Variants in PPP1R14D observed in about 807,000 individuals in gnomAD.
PPP1R14D encodes the protein protein phosphatase 1 regulatory inhibitor subunit 14D.
A neutral mutation model predicts 17.1 loss-of-function variants in PPP1R14D; 14 were observed. The ratio of observed to expected loss-of-function variants is 0.82; its 90% CI spans 0.54 to 1.28. The LOEUF (loss-of-function observed/expected upper bound fraction) is 1.28, where lower values mean the gene tolerates loss of function less well. PPP1R14D is among the 50% of genes most tolerant of loss of function. The pLI, the probability that PPP1R14D is intolerant of heterozygous loss-of-function variation, is 0.00. For synonymous variants in PPP1R14D, 67 were observed against 66.1 expected (o/e 1.01, Z -0.06); for missense variants, 173 against 179.2 (o/e 0.97, Z 0.20).
At chr15:40,817,181 A>G in intron 1 of PPP1R14D, 1 of 227,778 alleles carries the variant, frequency 4.4e-6, no homozygotes, top group South Asian at 3.8e-5. Context: ...ACGTGGTAAA[A>G]CCCCGTCTCT....
chr15:40,828,344 C>A, intron 1 of PPP1R14D, 43 bp downstream of exon 1: 2 of 1,537,208 alleles, frequency 1.3e-6, no homozygotes, highest in Non-Finnish European at 1.7e-6. Context: ...CCTGGGTGGA[C>A]CCCAGGCCCC....
intron 1 of PPP1R14D, chr15:40,817,186 G>A (rs886454910): frequency 8.4e-6 from 2 of 238,714 alleles, no homozygotes; most frequent in African/African-American, 2.3e-5. Flanking sequence ...GTAAAACCCC[G>A]TCTCTACTGA....
At chr15:40,819,869 T>TA (rs1425819293) in intron 1 of PPP1R14D, among the ~76,000 whole-genome samples, 1 of 52,140 alleles carries the variant, frequency 1.9e-5, no homozygotes, top group African/African-American at 1.1e-4. Context: ...ATATTGCTAT[T>TA]TTTTTTTTTT....
At chr15:40,823,205 C>A (rs1457407162) in intron 1 of PPP1R14D, among the ~76,000 whole-genome samples, 1 of 151,978 alleles carries the variant, frequency 6.6e-6, no homozygotes, top group African/African-American at 2.4e-5. Context: ...CTCAGGTGAT[C>A]CGTCCACTTC....
chr15:40,815,728 T>C lies in PPP1R14D; in HGVS notation c.406A>G (p.Lys136Glu), dbSNP rs918516874. ...TGAGGCCGGCTGAGTCTCCGGAGTT[T>C]CTTGAGTTGACTGAGCAGCTCAGAG... ...FISELLSQLK[K>E]LRRLSRPQK The change falls in exon 4 of 4, where the codon AAA (lysine) becomes GAA (glutamate). Residue 136 changes from lysine (K) to glutamate (E), a missense_variant. Coordinates refer to ENST00000299174, the MANE Select transcript of PPP1R14D (RefSeq NM_017726.8). 4.3e-6 allele frequency: 7 copies of C among 1,613,528 alleles called. No individual in the cohort carries two copies. The Admixed American group carries it at 8.3e-5, about 19-fold the overall frequency.
intron 1 of PPP1R14D, among the ~76,000 whole-genome samples, chr15:40,823,651 G>C (rs144027055): frequency 1.3e-5 from 2 of 152,122 alleles, no homozygotes; most frequent in African/African-American, 4.8e-5. Context: ...ACAGTATTCA[G>C]TACAGTAAAC....
At chr15:40,827,239 T>G (rs1453852269) in intron 1 of PPP1R14D, among the ~76,000 whole-genome samples, 3 of 152,174 alleles carry the variant, frequency 2.0e-5, no homozygotes, top group Non-Finnish European at 2.9e-5. Context: ...CTGGGTGCGG[T>G]GGCTCACGCC....
intron 1 of PPP1R14D, among the ~76,000 whole-genome samples, chr15:40,818,268 GA>G (rs1890708455): frequency 8.2e-6 from 1 of 122,214 alleles, no homozygotes; most frequent in Admixed American, 1.1e-4. Flanking sequence ...CAGCCTGGGC[GA>G]CAGAGCGAGA....
At chr15:40,824,616 C>A (rs1305609025) in intron 1 of PPP1R14D, among the ~76,000 whole-genome samples, 9 of 152,132 alleles carry the variant, frequency 5.9e-5, no homozygotes, top group African/African-American at 2.2e-4. Flanking sequence ...CAATTTGCCC[C>A]TCTCAGCCTC....
intron 1 of PPP1R14D, among the ~76,000 whole-genome samples, chr15:40,825,914 C>T (rs1890862343): frequency 6.6e-6 from 1 of 152,210 alleles, no homozygotes; most frequent in Admixed American, 6.5e-5. Flanking sequence ...ACTGTACAGC[C>T]TCCAGCCCTC....
chr15:40,825,311 A>T (rs1173604358), intron 1 of PPP1R14D, among the ~76,000 whole-genome samples: 1 of 151,806 alleles, frequency 6.6e-6, no homozygotes, highest in African/African-American at 2.4e-5. Context: ...AAAGAAAGAA[A>T]GAAATAGAGG....
chr15:40,820,228 G>A (rs1006035335), intron 1 of PPP1R14D, among the ~76,000 whole-genome samples: 21 of 150,702 alleles, frequency 1.4e-4, no homozygotes, highest in South Asian at 2.1e-4. Context: ...GTGCGATCTC[G>A]GCTTACTGCA....
intron 1 of PPP1R14D, among the ~76,000 whole-genome samples, chr15:40,827,028 G>A (rs1329217185): frequency 6.6e-6 from 1 of 152,214 alleles, no homozygotes; most frequent in Non-Finnish European, 1.5e-5. Context: ...TTTTCCCAGA[G>A]TGGGGTTGAA....
At position 40,828,417 on chromosome 15, in the gene PPP1R14D, C is replaced by T. The variant is rs1387283000; in HGVS notation, c.225G>A (p.Trp75Ter). ...QLQRWLEMEQ[W>*]VDAQVQELFQ... Reference sequence around the variant, plus strand: ...AGAGCTCCTGAACTTGAGCATCCACCCATTGCTCCATCTCCAGCCAGCGCT... The same window carrying T: ...AGAGCTCCTGAACTTGAGCATCCACTCATTGCTCCATCTCCAGCCAGCGCT... Residue 75 changes from tryptophan to a stop codon, truncating the protein, a stop_gained, in exon 1 of 4, where the codon TGG becomes TGA. Coordinates refer to ENST00000299174, the MANE Select transcript of PPP1R14D (RefSeq NM_017726.8). LOFTEE classifies it high-confidence loss of function. 7 of 1,610,650 alleles carry T rather than the reference C, an allele frequency of 4.3e-6. No individual in the cohort carries two copies. The African/African-American group carries it at 9.4e-5, about 22-fold the overall frequency.
chr15:40,819,218 C>G (rs931867240), intron 1 of PPP1R14D, among the ~76,000 whole-genome samples: 2 of 152,142 alleles, frequency 1.3e-5, no homozygotes, highest in Non-Finnish European at 2.9e-5. Context: ...TTTCTTGATT[C>G]ATGTGAAGGG....
rs758597822 is a variant in PPP1R14D at position 40,815,651 on chromosome 15, G to A, written c.*45C>T. 4.7e-5 allele frequency: 76 copies of A among 1,602,660 alleles called. No homozygotes were observed. The highest frequency in any genetic ancestry group is 6.0e-5 in the Non-Finnish European group (71 of 1,175,082). The stretch of plus-strand genomic sequence containing the variant: ...TCTTAGCCAGGATCTGGAGTTTCAG[G>A]GCAGGCCTGGCAGTGCTGAGGCTGC... On this transcript the variant is annotated 3_prime_UTR_variant, in exon 4 of 4. Coordinates refer to ENST00000299174, the MANE Select transcript of PPP1R14D (RefSeq NM_017726.8).
intron 1 of PPP1R14D, among the ~76,000 whole-genome samples, chr15:40,826,884 A>G (rs1308148947): frequency 6.6e-6 from 1 of 152,232 alleles, no homozygotes; most frequent in African/African-American, 2.4e-5. Flanking sequence ...CCTGGCATTG[A>G]GCCTAGCACG....
rs1566845193 is a variant in PPP1R14D, at chr15:40,828,657, G to T, written c.-16C>A. 6.3e-7 allele frequency: 1 copy of T among 1,589,138 alleles called. No homozygotes were observed. The highest frequency in any genetic ancestry group is 8.6e-7 in the Non-Finnish European group (1 of 1,166,980). On this transcript the variant is annotated 5_prime_UTR_variant, in exon 1 of 4. Transcript: ENST00000299174. ...AAGACAGCATGGAAGTATTGGTCTG[G>T]GCAAGGAGCTGGGAAAAACCGCCAG...
At chr15:40,815,853 GAGAAGGGAGAAGGA>G in intron 3 of PPP1R14D, 92 bp from the exon 4 acceptor site, 1 of 1,099,160 alleles carries the variant, frequency 9.1e-7, no homozygotes, top group Non-Finnish European at 1.3e-6. Flanking sequence ...TGACTCCCCA[GAGAAGGGAGAAGGA>G]CCCACAGCCA....
Sources: gnomAD v4.1 joint callset for allele counts (sites outside exome capture counted in the v4.1 genomes callset) on GRCh38, gnomAD v4.1.1 for gene constraint, MANE v1.5 for transcripts, NCBI Gene and HGNC (gene_info 2026-07-23, HGNC 2026-07-21) for gene names.